Variants in USP53 observed in about 807,000 individuals in gnomAD.
USP53 encodes ubiquitin specific peptidase 53, also known as ubiquitin carboxyl-terminal hydrolase 53.
USP53 carries 71 observed loss-of-function variants against 94.9 expected under a neutral mutation model. The observed-to-expected ratio is 0.75, with a 90% CI of 0.62 to 0.91. The LOEUF (loss-of-function observed/expected upper bound fraction) is 0.91. Ranked by LOEUF, USP53 falls within the 40% of genes least tolerant of loss-of-function variation. The probability of loss-of-function intolerance (pLI) is 0.00; values close to 1 mark genes in which losing one functional copy is unlikely to be tolerated. For missense variants in USP53, 1,173 were observed against 1,281.0 expected (o/e 0.92, Z 1.29); for synonymous variants, 375 against 422.7 (o/e 0.89, Z 1.39).
chr4:119,222,603 C>G (rs180760329), intron 3 of USP53, among the ~76,000 whole-genome samples: 5 of 152,298 alleles, frequency 3.3e-5, no homozygotes, highest in Admixed American at 6.5e-5. Flanking sequence ...TCACTTCCAT[C>G]CATGTCGTTG....
intron 3 of USP53, among the ~76,000 whole-genome samples, chr4:119,233,163 T>C (rs1295622778): frequency 6.8e-6 from 1 of 146,072 alleles, no homozygotes; most frequent in Non-Finnish European, 1.5e-5. Flanking sequence ...AGTGTTTATG[T>C]TTCTCTCTCT....
chr4:119,260,561 A>C lies in USP53; in HGVS notation c.730A>C (p.Ile244Leu). ...CCGTGTTTTAATGAATTGCCCAGAG[A>C]TTGTTACAATTGGTTTAGTCTGGGA... ...IRRVLMNCPE[I>L]VTIGLVWDSE... is the part of the protein sequence containing the mutation. The change falls in exon 11 of 19, where the codon ATT becomes CTT. Residue 244 changes from isoleucine to leucine, a missense_variant. Transcript: ENST00000692078. 6.2e-7 allele frequency: 1 copy of C among 1,613,986 alleles called. No individual in the cohort carries two copies. The highest frequency in any genetic ancestry group is 8.5e-7 in the Non-Finnish European group (1 of 1,179,946).
At chr4:119,283,864 A>G (rs1753788672) in intron 17 of USP53, among the ~76,000 whole-genome samples, 1 of 151,962 alleles carries the variant, frequency 6.6e-6, no homozygotes, top group South Asian at 2.1e-4. Context: ...TATATATTTA[A>G]TAACCATCCA....
chr4:119,228,225 T>C (rs970206327), intron 3 of USP53, among the ~76,000 whole-genome samples: 15 of 152,146 alleles, frequency 9.9e-5, no homozygotes, highest in African/African-American at 3.6e-4. Context: ...TGCTTCTGGG[T>C]TCATTCAGGT....
rs1743363680 is a variant in USP53 at position 119,214,132 on chromosome 4, A to AC, written c.-879_-878insC. On this transcript the variant is annotated 5_prime_UTR_variant, in exon 2 of 19. Transcript: ENST00000692078. ...GTTAAAGATAAATTAAAAAAAAAAA[A>AC]AAAAAACCAAAGGGAACAAAACTTA... 1.3e-5 allele frequency: 2 copies of AC among 151,780 alleles called. No homozygotes were observed. Among genetic ancestry groups the AC allele is most frequent in the Admixed American group, 1.3e-4 (2 of 15,264 alleles). The allele number at this position is 151,780 out of a possible 1,614,324, so 9.4% of individuals were successfully genotyped here.
chr4:119,227,262 C>CAT (rs965423537), intron 3 of USP53, among the ~76,000 whole-genome samples: 18 of 79,988 alleles, frequency 2.3e-4, no homozygotes, highest in African/African-American at 3.2e-4. Flanking sequence ...ACACTACACA[C>CAT]ACACACACAC....
chr4:119,247,072 T>C (rs1406172687), intron 6 of USP53, among the ~76,000 whole-genome samples: 1 of 152,148 alleles, frequency 6.6e-6, no homozygotes, highest in Non-Finnish European at 1.5e-5. Flanking sequence ...AGGGTTATTG[T>C]TAGGACATGA....
chr4:119,217,269 C>G (rs1257480759), intron 2 of USP53, among the ~76,000 whole-genome samples: 1 of 152,050 alleles, frequency 6.6e-6, no homozygotes, highest in Admixed American at 6.5e-5. Flanking sequence ...TCATGGTGCC[C>G]CTCCCCATAC....
chr4:119,217,096 A>T (rs1743875621), intron 2 of USP53, among the ~76,000 whole-genome samples: 1 of 152,174 alleles, frequency 6.6e-6, no homozygotes, highest in Non-Finnish European at 1.5e-5. Context: ...TGTAAACTTT[A>T]TATCAGAGGA....
At chr4:119,271,208 A>G in intron 15 of USP53, 88 bp from the exon 16 acceptor site, 2 of 1,488,342 alleles carry the variant, frequency 1.3e-6, no homozygotes, top group Admixed American at 5.1e-5. Context: ...AAACTCTTTA[A>G]CATTTTATCT....
intron 12 of USP53, among the ~76,000 whole-genome samples, chr4:119,264,543 G>A (rs1444805026): frequency 6.6e-6 from 1 of 152,174 alleles, no homozygotes; most frequent in Non-Finnish European, 1.5e-5. Flanking sequence ...AATGTTGACA[G>A]TTCACCAATG....
chr4:119,292,821 T>C lies in USP53; in HGVS notation c.2832T>C (p.Pro944=). The stretch of plus-strand genomic sequence containing the variant: ...AGTCAGAGAAAAGCGAATCTACACC[T>C]GATGTCAAACTTACAGAGGTGTTTA... ...VPQSEKSEST[P]DVKLTEVFKA... The change falls in exon 19 of 19, where the codon CCT becomes CCC. Residue 944 remains proline (P), a synonymous_variant. Transcript: ENST00000692078. 6.2e-7 allele frequency: 1 copy of C among 1,614,112 alleles called. No homozygotes were observed. Among genetic ancestry groups the C allele is most frequent in the African/African-American group, 1.3e-5 (1 of 75,038 alleles).
At chr4:119,225,529 G>A (rs759741442) in intron 3 of USP53, among the ~76,000 whole-genome samples, 18 of 152,158 alleles carry the variant, frequency 1.2e-4, no homozygotes, top group East Asian at 9.7e-4. Context: ...GGCAGATCAC[G>A]AGGTCCAGAG....
rs530678425 is a variant in USP53 at position 119,223,263 on chromosome 4, T to C, written c.-665+5590T>C. 3.5e-4 allele frequency among the ~76,000 whole-genome samples: 54 copies of C among 152,206 alleles called. 1 individual carries two copies. The highest frequency in any genetic ancestry group is 1.2e-3 in the African/African-American group (51 of 41,530). On this transcript the variant is annotated intron_variant, in intron 3 of 18. Coordinates refer to ENST00000692078, the MANE Select transcript of USP53 (RefSeq NM_001371395.1). ...CTAGAAAATAGAATACTGTAAGATG[T>C]AGGATGGGTGAGGGGTATATGTCAT...
At chr4:119,217,386 T>G (rs1048869233) in intron 2 of USP53, among the ~76,000 whole-genome samples, 164 bp from the exon 3 acceptor site, 2 of 152,206 alleles carry the variant, frequency 1.3e-5, no homozygotes, top group Admixed American at 1.3e-4. Flanking sequence ...CTGACCTACC[T>G]GCCAGATGGT....
At chr4:119,258,796 G>C (rs1423802239) in intron 9 of USP53, among the ~76,000 whole-genome samples, 1 of 152,132 alleles carries the variant, frequency 6.6e-6, no homozygotes, top group East Asian at 1.9e-4. Flanking sequence ...GTCTCCAGCT[G>C]GGTCCCTCCC....
At chr4:119,230,648 G>A (rs145796866) in intron 3 of USP53, among the ~76,000 whole-genome samples, 2 of 152,268 alleles carry the variant, frequency 1.3e-5, no homozygotes, top group African/African-American at 2.4e-5. Context: ...TTGGATTCAG[G>A]TGTAACTGGG....
chr4:119,237,579 C>T (rs10024967), intron 4 of USP53, among the ~76,000 whole-genome samples: 21,728 of 151,976 alleles, frequency 0.14, 2,592 homozygotes, highest in African/African-American at 0.33. Context: ...CAGAATCAGC[C>T]TGTCCTTTGA....
chr4:119,292,554 C>T lies in USP53; in HGVS notation c.2565C>T (p.Asn855=), dbSNP rs769147043. 1 of 1,613,850 alleles carries T rather than the reference C, an allele frequency of 6.2e-7. No homozygotes were observed. The highest frequency in any genetic ancestry group is 8.5e-7 in the Non-Finnish European group (1 of 1,179,918). The change falls in exon 19 of 19, where the codon AAC becomes AAT. Residue 855 remains asparagine (N), a synonymous_variant. Coordinates refer to ENST00000692078, the MANE Select transcript of USP53 (RefSeq NM_001371395.1). ...ACTCTGCTTCTGGGAAGAGAGTGAA[C>T]AGTAATGAACCATCTTCATTATGGT... is the stretch of plus-strand genomic sequence containing the variant. The part of the protein sequence containing the change: ...VDNSASGKRV[N]SNEPSSLWSS...
Sources: allele counts gnomAD v4.1 joint callset (sites outside exome capture counted in the v4.1 genomes callset), GRCh38; gene constraint gnomAD v4.1.1; transcripts MANE v1.5; gene names NCBI Gene and HGNC (gene_info 2026-07-23, HGNC 2026-07-21).